CFAP221: variants seen among roughly 807,000 people sequenced by gnomAD.
CFAP221 encodes the protein cilia- and flagella-associated protein 221.
A neutral mutation model predicts 113.1 loss-of-function variants in CFAP221; 97 were observed. The ratio of observed to expected loss-of-function variants is 0.86; its 90% confidence interval spans 0.73 to 1.02. CFAP221 has a LOEUF of 1.02. Ranked by LOEUF, CFAP221 falls within the 50% of genes least tolerant of loss-of-function variation. CFAP221 has a pLI of 0.00. For synonymous variants in CFAP221, 331 were observed against 354.4 expected, an observed-to-expected ratio of 0.93 and a Z score of 0.74; for missense variants, 1,025 against 1,013.4, an observed-to-expected ratio of 1.01 and a Z score of -0.16.
chr2:119,571,448 C>CT (rs1202835937), intron 6 of CFAP221, among the ~76,000 whole-genome samples: 102 of 147,970 alleles, frequency 6.9e-4, no homozygotes, highest in African/African-American at 2.3e-3. Context: ...CCAACAACCA[C>CT]TTTTTTTTTC....
chr2:119,562,671 CT>C (rs945994779), intron 6 of CFAP221, among the ~76,000 whole-genome samples: 1 of 152,194 alleles, frequency 6.6e-6, no homozygotes, highest in African/African-American at 2.4e-5. Context: ...AGATTCTCTC[CT>C]TTTTTTGGTG....
At position 119,638,426 on chromosome 2, in the gene CFAP221, A is replaced by G; in HGVS notation, c.2133+9A>G. On this transcript the variant is annotated intron_variant, in intron 20 of 23. Transcript: ENST00000413369. Reference sequence around the variant, plus strand: ...AGTTTCTCCATCACACGGTAATGTCATCACCAGGCTCACTGGCAGAGTGAC... The same window carrying G: ...AGTTTCTCCATCACACGGTAATGTCGTCACCAGGCTCACTGGCAGAGTGAC... 3.7e-6 allele frequency: 6 copies of G among 1,613,348 alleles called. No homozygotes were observed. The highest frequency in any genetic ancestry group is 5.1e-6 in the Non-Finnish European group (6 of 1,179,384).
chr2:119,584,368 C>T (rs965708708), intron 6 of CFAP221, among the ~76,000 whole-genome samples: 1 of 152,172 alleles, frequency 6.6e-6, no homozygotes, highest in Non-Finnish European at 1.5e-5. Flanking sequence ...AAGAGGATCA[C>T]TTGAGCCCAG....
At chr2:119,585,502 A>G (rs1411777620) in intron 6 of CFAP221, among the ~76,000 whole-genome samples, 3 of 152,224 alleles carry the variant, frequency 2.0e-5, no homozygotes, top group Non-Finnish European at 4.4e-5. Context: ...CTCTTTTGCA[A>G]TGTTTTATTT....
Position 119,568,772 on chromosome 2 carries a change from G to A in CFAP221, c.527+6658G>A, listed in dbSNP as rs143213510. Among the ~76,000 whole-genome samples the A allele has an allele frequency of 5.3e-3, 808 of 152,190 alleles. 4 individuals carry two copies. The highest frequency in any genetic ancestry group is 0.018 in the African/African-American group (732 of 41,512). ...GCATTTGGGTTGATTCCATGTCTTC[G>A]TTATTGTGAATAGTGCTGCAACGAT... On this transcript the variant is annotated intron_variant, in intron 6 of 23. Coordinates refer to ENST00000413369, the MANE Select transcript of CFAP221 (RefSeq NM_001271049.2).
At chr2:119,590,320 C>T (rs1683511581) in intron 7 of CFAP221, 1 of 152,094 alleles carries the variant, frequency 6.6e-6, no homozygotes, top group Non-Finnish European at 1.5e-5. Context: ...TGGGAGTAAA[C>T]CCAGAACCTC....
intron 13 of CFAP221, among the ~76,000 whole-genome samples, chr2:119,615,074 T>G (rs1399556842): frequency 6.6e-6 from 1 of 152,220 alleles, no homozygotes; most frequent in African/African-American, 2.4e-5. Context: ...TTTTATATAA[T>G]TTCCTTATTC....
intron 7 of CFAP221, among the ~76,000 whole-genome samples, chr2:119,595,855 CA>C (rs1683929178): frequency 6.6e-6 from 1 of 151,994 alleles, no homozygotes; most frequent in Non-Finnish European, 1.5e-5. Flanking sequence ...ACCCAGTTAA[CA>C]AAAAGGCACC....
At chr2:119,610,485 A>G (rs60627349) in intron 12 of CFAP221, among the ~76,000 whole-genome samples, 26,822 of 152,128 alleles carry the variant, frequency 0.18, 3,127 homozygotes, top group East Asian at 0.41. Context: ...TAATAAAGAT[A>G]TAATAAATCT....
In CFAP221 at chr2:119,572,617, C is replaced by A. The variant is rs1471702805; in HGVS notation, c.527+10503C>A. 4 of 694,842 alleles carry A rather than the reference C, an allele frequency of 5.8e-6. No homozygotes were observed. In the South Asian group the frequency reaches 6.0e-5, roughly 10 times the overall value. 43.0% of individuals were successfully genotyped at this position (694,842 alleles called of 1,614,324 possible). ...GTCCAGTTGGTTGACCAGTTGCTCT[C>A]CCATCAACTCATTTTCCTTGCACCA... On this transcript the variant is annotated intron_variant, in intron 6 of 23. Coordinates refer to ENST00000413369, the MANE Select transcript of CFAP221 (RefSeq NM_001271049.2).
intron 6 of CFAP221, among the ~76,000 whole-genome samples, chr2:119,578,753 T>C (rs73951160): frequency 0.041 from 6,264 of 152,298 alleles, 288 homozygotes; most frequent in African/African-American, 0.11. Flanking sequence ...ATGCTTGTTG[T>C]CAGTTAACCT....
At chr2:119,606,183 T>TG (rs1456269430) in intron 11 of CFAP221, among the ~76,000 whole-genome samples, 1 of 151,814 alleles carries the variant, frequency 6.6e-6, no homozygotes, top group Non-Finnish European at 1.5e-5. Flanking sequence ...TTTTTTTTTT[T>TG]TAGAGATGGG....
chr2:119,645,407 A>G (rs1227890320), intron 21 of CFAP221, among the ~76,000 whole-genome samples: 2 of 151,250 alleles, frequency 1.3e-5, no homozygotes, highest in Non-Finnish European at 2.9e-5. Flanking sequence ...TCTCTTTATA[A>G]TGGTAAGCAG....
intron 6 of CFAP221, chr2:119,580,446 A>G (rs1014274005): frequency 1.3e-5 from 2 of 152,228 alleles, no homozygotes; most frequent in African/African-American, 2.4e-5. Context: ...TCTCAAAGAG[A>G]CATCATAGCT....
chr2:119,565,984 T>A (rs1413430554), intron 6 of CFAP221, among the ~76,000 whole-genome samples: 1 of 152,160 alleles, frequency 6.6e-6, no homozygotes, highest in East Asian at 1.9e-4. Context: ...CCAGGCACAG[T>A]GTTAGGTTCT....
intron 3 of CFAP221, among the ~76,000 whole-genome samples, chr2:119,559,267 T>C (rs1035980142): frequency 3.3e-5 from 5 of 152,328 alleles, no homozygotes; most frequent in African/African-American, 1.2e-4. Context: ...ATGGTCTCAG[T>C]GTCCTCTGGG....
intron 7 of CFAP221, among the ~76,000 whole-genome samples, chr2:119,595,521 C>T (rs998057042): frequency 1.5e-4 from 23 of 152,228 alleles, no homozygotes; most frequent in African/African-American, 4.6e-4. Flanking sequence ...AAATGCTCTG[C>T]GCTTGGTTTC....
At chr2:119,639,199 C>T (rs553624507) in intron 20 of CFAP221, among the ~76,000 whole-genome samples, 9 of 152,286 alleles carry the variant, frequency 5.9e-5, no homozygotes, top group African/African-American at 1.4e-4. Context: ...TCCTTATGCA[C>T]GAGTTGATCC....
chr2:119,610,093 C>T (rs1007510480), intron 12 of CFAP221, among the ~76,000 whole-genome samples: 4 of 152,190 alleles, frequency 2.6e-5, no homozygotes, highest in African/African-American at 9.7e-5. Context: ...TGTTTTCTAA[C>T]CTTTTTAAAG....
Sources: allele counts gnomAD v4.1 joint callset (sites outside exome capture counted in the v4.1 genomes callset), GRCh38; gene constraint gnomAD v4.1.1; transcripts MANE v1.5; gene names NCBI Gene and HGNC (gene_info 2026-07-23, HGNC 2026-07-21).